The following C4orf17 variants were observed in gnomAD, a reference collection of about 807,000 sequenced individuals.
C4orf17 encodes uncharacterized protein C4orf17.
Under a neutral mutation model 32.0 loss-of-function variants are expected in C4orf17, and 25 were observed. The observed-to-expected ratio is 0.78, with a 90% confidence interval of 0.57 to 1.09. The LOEUF is 1.09. C4orf17 is among the 50% of genes least tolerant of loss of function. The pLI is 0.00. For missense variants in C4orf17, 420 were observed against 420.0 expected (o/e 1.00, Z 0.00); for synonymous variants, 149 against 145.8 (o/e 1.02, Z -0.16).
At chr4:99,515,841 A>G (rs995745574) in intron 2 of C4orf17, among the ~76,000 whole-genome samples, 6 of 152,094 alleles carry the variant, frequency 3.9e-5, no homozygotes, top group African/African-American at 1.4e-4. Flanking sequence ...AGCTTTGTTG[A>G]AAAAAAGGGC....
intron 5 of C4orf17, among the ~76,000 whole-genome samples, chr4:99,535,409 A>G (rs187578840): frequency 7.2e-6 from 1 of 139,816 alleles, no homozygotes; most frequent in African/African-American, 2.6e-5. Flanking sequence ...ACATAATCCC[A>G]CATTTCTCGG....
At chr4:99,520,132 C>G (rs1205415461) in intron 2 of C4orf17, among the ~76,000 whole-genome samples, 1 of 151,452 alleles carries the variant, frequency 6.6e-6, no homozygotes, top group African/African-American at 2.4e-5. Context: ...CTCTTTCACC[C>G]AGGCCGGACT....
intron 1 of C4orf17, among the ~76,000 whole-genome samples, chr4:99,512,041 C>G (rs1723101389): frequency 6.6e-6 from 1 of 152,028 alleles, no homozygotes; most frequent in Non-Finnish European, 1.5e-5. Flanking sequence ...TTGCTTTGTT[C>G]TAAAAAGGTA....
chr4:99,514,415 A>T (rs1020654689), intron 2 of C4orf17, among the ~76,000 whole-genome samples: 4 of 152,180 alleles, frequency 2.6e-5, no homozygotes, highest in African/African-American at 7.2e-5. Flanking sequence ...CAAGAAAAAA[A>T]CAAATAATCC....
intron 2 of C4orf17, among the ~76,000 whole-genome samples, chr4:99,518,485 TAAAAAAAAAAAAAAAAAAAA>T (rs574883283): frequency 2.5e-4 from 2 of 7,992 alleles, no homozygotes; most frequent in Non-Finnish European, 2.2e-4. Context: ...CCTGTCTCTT[TAAAAAAAAAAAAAAAAAAAA>T]AAAAAAAAAA....
At chr4:99,520,030 C>T (rs1185180898) in intron 2 of C4orf17, among the ~76,000 whole-genome samples, 4 of 152,058 alleles carry the variant, frequency 2.6e-5, no homozygotes, top group Admixed American at 6.6e-5. Context: ...CTTGGCCAAA[C>T]CTGAGGGCAC....
chr4:99,525,480 A>C (rs1156796545), intron 4 of C4orf17, among the ~76,000 whole-genome samples: 2 of 152,154 alleles, frequency 1.3e-5, no homozygotes, highest in Non-Finnish European at 2.9e-5. Context: ...ATATATTGTT[A>C]GATCTTTCGT....
chr4:99,526,293 T>G lies in C4orf17; in HGVS notation c.402+1708T>G, dbSNP rs201573203. 5.3e-5 allele frequency among the ~76,000 whole-genome samples: 8 copies of G among 152,322 alleles called. No homozygotes were observed. The East Asian group carries it at 1.2e-3, about 22-fold the overall frequency. On this transcript the variant is annotated intron_variant, in intron 4 of 8. Coordinates refer to ENST00000326581, the MANE Select transcript of C4orf17 (RefSeq NM_032149.3). ...TTTTTAGTCTGTTAATATAGTGAAT[T>G]ACATTGACTAAGTTTCAAATTGGAA...
intron 1 of C4orf17, among the ~76,000 whole-genome samples, chr4:99,512,400 T>C (rs975308414): frequency 3.3e-5 from 5 of 152,160 alleles, no homozygotes; most frequent in Non-Finnish European, 5.9e-5. Context: ...TATGACACCA[T>C]AGGTGTCTAA....
Position 99,511,170 on chromosome 4 carries a change from G to C in C4orf17, c.-196G>C, listed in dbSNP as rs1415629479. The C allele has an allele frequency of 6.6e-6, 1 of 152,136 alleles. No homozygotes were observed. Among genetic ancestry groups the C allele is most frequent in the Non-Finnish European group, 1.5e-5 (1 of 68,004 alleles). The allele number at this position is 152,136 out of a possible 1,614,324, so 9.4% of individuals were successfully genotyped here. A position where few individuals can be genotyped will look rare whatever the true frequency, so the allele number is the denominator to read the frequency against. ...TCTAGCTTAAGTGCAGAGATTTAAG[G>C]AGATCAACAAAAACTCAGTCTAGAC... On this transcript the variant is annotated 5_prime_UTR_variant, in exon 1 of 9. Transcript: ENST00000326581.
At chr4:99,523,655 C>A (rs1457580535) in intron 3 of C4orf17, among the ~76,000 whole-genome samples, 1 of 152,118 alleles carries the variant, frequency 6.6e-6, no homozygotes, top group Non-Finnish European at 1.5e-5. Context: ...TCAGGTGTCA[C>A]CACCTAATAA....
chr4:99,537,563 A>G, intron 5 of C4orf17, 106 bp from the exon 6 acceptor site: 1 of 801,370 alleles, frequency 1.2e-6, no homozygotes, highest in Admixed American at 1.9e-5. Context: ...TGCACATCAT[A>G]TACAAAGTGA....
At chr4:99,540,252 TG>T (rs1723633232) in intron 7 of C4orf17, among the ~76,000 whole-genome samples, 159 bp from the exon 8 acceptor site, 1 of 152,074 alleles carries the variant, frequency 6.6e-6, no homozygotes, top group African/African-American at 2.4e-5. Context: ...AATTTTTCAT[TG>T]GGAAGTAAAT....
rs574512030 is a variant in C4orf17 at position 99,534,404 on chromosome 4, A to G, written c.547-3265A>G. Among the ~76,000 whole-genome samples the G allele has an allele frequency of 5.9e-5, 9 of 152,322 alleles. No individual in the cohort carries two copies. The East Asian group carries it at 1.5e-3, about 26-fold the overall frequency. On this transcript the variant is annotated intron_variant, in intron 5 of 8. Coordinates refer to ENST00000326581, the MANE Select transcript of C4orf17 (RefSeq NM_032149.3). ...ATTGATGGGCATTTAGGTTGATTCC[A>G]TGACTTTGCTATTGCGAATAGTGCT...
chr4:99,535,257 G>A (rs1386437990), intron 5 of C4orf17, among the ~76,000 whole-genome samples: 1 of 152,116 alleles, frequency 6.6e-6, no homozygotes, highest in Admixed American at 6.5e-5. Flanking sequence ...GGGTTCTCCA[G>A]ATTTCCTGAA....
At chr4:99,525,756 C>T (rs1235904189) in intron 4 of C4orf17, among the ~76,000 whole-genome samples, 1 of 150,502 alleles carries the variant, frequency 6.6e-6, no homozygotes, top group Non-Finnish European at 1.5e-5. Flanking sequence ...GAGATGGTGC[C>T]ACTGCACTGC....
chr4:99,524,194 G>A (rs938429735), intron 3 of C4orf17, among the ~76,000 whole-genome samples: 1 of 151,936 alleles, frequency 6.6e-6, no homozygotes, highest in African/African-American at 2.4e-5. Context: ...TGTTAGCCAG[G>A]ATGGTCTCGA....
At position 99,542,112 on chromosome 4, in the gene C4orf17, GT is replaced by G; in HGVS notation, c.*5del. The G allele has an allele frequency of 6.2e-7, 1 of 1,610,728 alleles. No individual in the cohort carries two copies. Among genetic ancestry groups the G allele is most frequent in the Non-Finnish European group, 8.5e-7 (1 of 1,177,610 alleles). On this transcript the variant is annotated 3_prime_UTR_variant, in exon 9 of 9. Transcript: ENST00000326581. ...ATCCTTCAACACACCGGAGGTAGAA[GT>G]TCTAGACTGGGTGAATTCTTTCATG...
chr4:99,538,170 T>G (rs1352240889), intron 6 of C4orf17, among the ~76,000 whole-genome samples: 1 of 152,234 alleles, frequency 6.6e-6, no homozygotes, highest in Non-Finnish European at 1.5e-5. Context: ...GTAACAGCTC[T>G]GCCATTTGCC....
Sources: allele counts gnomAD v4.1 joint callset (sites outside exome capture counted in the v4.1 genomes callset), GRCh38; gene constraint gnomAD v4.1.1; transcripts MANE v1.5; gene names NCBI Gene and HGNC (gene_info 2026-07-23, HGNC 2026-07-21).